RPS8: variants seen among roughly 807,000 people sequenced by gnomAD.
The protein encoded by RPS8 is ribosomal protein S8.
For missense variants in RPS8, 141 were observed against 269.7 expected (o/e 0.52, Z 3.34); for synonymous variants, 100 against 100.7 (o/e 0.99, Z 0.04).
rs963125529 is a variant in RPS8, at chr1:44,777,019, C to T, written c.211+245C>T. The T allele has an allele frequency of 3.7e-5, 15 of 408,956 alleles. 1 individual carries two copies. Among genetic ancestry groups the T allele is most frequent in the African/African-American group, 2.1e-5 (1 of 47,298 alleles). The allele number at this position is 408,956 out of a possible 1,614,324, so 25.3% of individuals were successfully genotyped here. On this transcript the variant is annotated intron_variant, in intron 3 of 5. Coordinates refer to ENST00000396651, the MANE Select transcript of RPS8 (RefSeq NM_001012.2). ...GCTTAGACCAAGGCATTTGAAGTTTCTCCTTGCTGAAAGATCTTAAGGTAG... is the reference window on the plus strand; with the variant it reads ...GCTTAGACCAAGGCATTTGAAGTTTTTCCTTGCTGAAAGATCTTAAGGTAG...
At chr1:44,775,851 C>T (rs148400247) in intron 1 of RPS8, 183 bp from the exon 2 acceptor site, 12,715 of 804,186 alleles carry the variant, frequency 0.016, 134 homozygotes, top group Non-Finnish European at 0.021. Context: ...GAGGAGGCCC[C>T]GGCCTGGCCG....
intron 3 of RPS8, 179 bp downstream of exon 3, chr1:44,776,953 G>GT (rs971409856): frequency 5.1e-5 from 27 of 526,122 alleles, no homozygotes; most frequent in African/African-American, 4.9e-4. Context: ...GAGACTCTCA[G>GT]TAAAAAAAAA....
chr1:44,776,202 C>T lies in RPS8; in HGVS notation c.111+62C>T, dbSNP rs570070957. Reference sequence around the variant, plus strand: ...GCCTTCCCCCGCTCTCCAGCGTGCTCGGGTCTTTCCGTGTGACAGTTGTGC... The same window carrying T: ...GCCTTCCCCCGCTCTCCAGCGTGCTTGGGTCTTTCCGTGTGACAGTTGTGC... On this transcript the variant is annotated intron_variant, in intron 2 of 5. Coordinates refer to ENST00000396651, the MANE Select transcript of RPS8 (RefSeq NM_001012.2). The T allele has an allele frequency of 5.5e-5, 66 of 1,207,500 alleles. No homozygotes were observed. The Admixed American group carries it at 1.7e-3, about 31-fold the overall frequency. 74.8% of individuals were successfully genotyped at this position (1,207,500 alleles called of 1,614,324 possible). A position where few individuals can be genotyped will look rare whatever the true frequency, so the allele number is the denominator to read the frequency against.
At chr1:44,776,826 A>C (rs1350371332) in intron 3 of RPS8, 52 bp downstream of exon 3, 1 of 1,396,062 alleles carries the variant, frequency 7.2e-7, no homozygotes, top group Non-Finnish European at 9.9e-7. Flanking sequence ...AACGGTCTTA[A>C]GATTCACCAA....
intron 3 of RPS8, 162 bp downstream of exon 3, chr1:44,776,936 A>G: frequency 1.8e-6 from 1 of 552,184 alleles, no homozygotes; most frequent in Non-Finnish European, 3.2e-6. Flanking sequence ...AGCCTGGGCA[A>G]CAGAGCGAGA....
intron 1 of RPS8, 183 bp from the exon 2 acceptor site, chr1:44,775,851 C>A (rs148400247): frequency 1.2e-6 from 1 of 804,230 alleles, no homozygotes; most frequent in Non-Finnish European, 2.2e-6. Context: ...GAGGAGGCCC[C>A]GGCCTGGCCG....
At chr1:44,778,543 T>C in intron 5 of RPS8, 33 bp from the exon 6 acceptor site, 1 of 1,567,366 alleles carries the variant, frequency 6.4e-7, no homozygotes, top group Non-Finnish European at 8.8e-7. Context: ...GGCCACCTTG[T>C]CGTTGTGCTA....
At chr1:44,778,456 A>G in intron 5 of RPS8, 120 bp from the exon 6 acceptor site, 1 of 852,550 alleles carries the variant, frequency 1.2e-6, no homozygotes, top group Non-Finnish European at 2.1e-6. Flanking sequence ...GTGTCTGAGG[A>G]GACAGCTGGC....
intron 5 of RPS8, 63 bp downstream of exon 5, chr1:44,778,192 C>G: frequency 6.3e-7 from 1 of 1,582,686 alleles, no homozygotes; most frequent in Non-Finnish European, 8.6e-7. Flanking sequence ...AGGCACTTTT[C>G]CCTTGTCTCA....
intron 2 of RPS8, chr1:44,776,394 A>G: frequency 1.4e-6 from 1 of 716,164 alleles, no homozygotes; most frequent in South Asian, 1.5e-5. Context: ...GCTTCTGGAG[A>G]GGGTGGCGCC....
rs749034987 is a variant in RPS8, at chr1:44,777,811, G to T, written c.387+22G>T. ...GCTGGTGCGTGTTACTTCCCTGTAG[G>T]GGTTGTGGGGAGGGCAGCCTGACTC... On this transcript the variant is annotated intron_variant, in intron 4 of 5. Transcript: ENST00000396651. The T allele has an allele frequency of 1.7e-5, 27 of 1,613,476 alleles. No homozygotes were observed. The South Asian group carries it at 2.6e-4, about 16-fold the overall frequency.
At chr1:44,776,400 G>A in intron 2 of RPS8, 1 of 725,792 alleles carries the variant, frequency 1.4e-6, no homozygotes, top group East Asian at 2.5e-5. Flanking sequence ...GGAGAGGGTG[G>A]CGCCTCGCGT....
chr1:44,778,155 G>T, intron 5 of RPS8, 26 bp downstream of exon 5: 1 of 1,587,108 alleles, frequency 6.3e-7, no homozygotes, highest in South Asian at 1.1e-5. Context: ...TGTTGGAGGT[G>T]GGGAGTCGCA....
intron 2 of RPS8, chr1:44,776,466 G>C (rs1358390664): frequency 5.3e-6 from 4 of 761,320 alleles, no homozygotes; most frequent in Non-Finnish European, 9.6e-6. Context: ...TCAGCATTTG[G>C]GGTCAGGCTT....
chr1:44,776,415 G>A (rs1650854827), intron 2 of RPS8: 1 of 744,216 alleles, frequency 1.3e-6, no homozygotes, highest in South Asian at 1.4e-5. Context: ...TCGCGTCATA[G>A]TCAGAAGCCT....
At position 44,778,689 on chromosome 1, in the gene RPS8, C is replaced by G. The variant is rs753346200; in HGVS notation, c.*4C>G. 1.3e-6 allele frequency: 2 copies of G among 1,572,822 alleles called. No homozygotes were observed. The highest frequency in any genetic ancestry group is 1.7e-6 in the Non-Finnish European group (2 of 1,147,214). On this transcript the variant is annotated 3_prime_UTR_variant, in exon 6 of 6. Transcript: ENST00000396651. Reference sequence around the variant, plus strand: ...CAAGGCCCGCAAAGGCAAATAAATCCTTGTTTTGTCTTCACCCATGTAATA... The same window carrying G: ...CAAGGCCCGCAAAGGCAAATAAATCGTTGTTTTGTCTTCACCCATGTAATA...
At chr1:44,776,175 T>C in intron 2 of RPS8, 35 bp downstream of exon 2, 2 of 1,473,466 alleles carry the variant, frequency 1.4e-6, no homozygotes, top group Admixed American at 2.2e-5. Flanking sequence ...GCCTGGGAGG[T>C]CGCCTTCCCC....
chr1:44,778,753 G>A lies in RPS8; in HGVS notation c.*68G>A. ...TTTTGTTCCCACATTTATGTTGCCT[G>A]AATATATGACTGTTTTCTCTGCTTT... On this transcript the variant is annotated 3_prime_UTR_variant, in exon 6 of 6. Coordinates refer to ENST00000396651, the MANE Select transcript of RPS8 (RefSeq NM_001012.2). 2 of 1,094,612 alleles carry A rather than the reference G, an allele frequency of 1.8e-6. No homozygotes were observed. The highest frequency in any genetic ancestry group is 2.7e-6 in the Non-Finnish European group (2 of 749,226). The allele number at this position is 1,094,612 out of a possible 1,614,324, so 67.8% of individuals were successfully genotyped here. A position where few individuals can be genotyped will look rare whatever the true frequency, so the allele number is the denominator to read the frequency against.
intron 3 of RPS8, 188 bp from the exon 4 acceptor site, chr1:44,777,426 G>A (rs978754589): frequency 1.5e-5 from 9 of 597,642 alleles, no homozygotes; most frequent in African/African-American, 9.4e-5. Context: ...TAAAGACTGC[G>A]GGTTGCCAAA....
Sources: gnomAD v4.1 joint callset for allele counts on GRCh38, gnomAD v4.1.1 for gene constraint, MANE v1.5 for transcripts, NCBI Gene and HGNC (gene_info 2026-07-23, HGNC 2026-07-21) for gene names.